QRSL1: variants seen among roughly 807,000 people sequenced by gnomAD.
QRSL1 encodes the protein glutamyl-tRNA(Gln) amidotransferase subunit A, mitochondrial.
Under a neutral mutation model 61.6 loss-of-function variants are expected in QRSL1, and 54 were observed. The observed-to-expected ratio is 0.88, with a 90% CI of 0.70 to 1.10. The LOEUF (loss-of-function observed/expected upper bound fraction) is 1.10. Among genes scored for constraint, QRSL1 ranks in the 50% least tolerant of loss-of-function variants. QRSL1 has a pLI of 0.00. For missense variants in QRSL1, 505 were observed against 622.6 expected (o/e 0.81, Z 2.01); for synonymous variants, 228 against 225.7 (o/e 1.01, Z -0.09).
intron 4 of QRSL1, among the ~76,000 whole-genome samples, chr6:106,648,421 A>G (rs1453058493): frequency 3.3e-5 from 5 of 152,238 alleles, no homozygotes; most frequent in African/African-American, 1.2e-4. Flanking sequence ...ATAAAGGGCT[A>G]TGATATACAT....
chr6:106,633,592 A>G (rs534433146), intron 1 of QRSL1, among the ~76,000 whole-genome samples: 11 of 152,256 alleles, frequency 7.2e-5, no homozygotes, highest in African/African-American at 2.6e-4. Context: ...TAAAATTCCC[A>G]TTTGTAAATT....
chr6:106,639,119 GTTTTTTT>G (rs1177849683), intron 1 of QRSL1, among the ~76,000 whole-genome samples: 3 of 122,812 alleles, frequency 2.4e-5, no homozygotes, highest in South Asian at 2.6e-4. Flanking sequence ...GTGTTTTGTT[GTTTTTTT>G]TTTTTTTTTT....
chr6:106,667,288 C>T lies in QRSL1; in HGVS notation c.*1286C>T, dbSNP rs1777452258. On this transcript the variant is annotated 3_prime_UTR_variant, in exon 11 of 11. Transcript: ENST00000369046. ...TCTCATGGTTTCCTTTTCCTCTTGA[C>T]TGTCTTTACGAGTGTTTTTTATTTG... The T allele has an allele frequency of 6.6e-6, 1 of 152,198 alleles. No homozygotes were observed. Among genetic ancestry groups the T allele is most frequent in the Non-Finnish European group, 1.5e-5 (1 of 68,034 alleles). The allele number at this position is 152,198 out of a possible 1,614,324, so 9.4% of individuals were successfully genotyped here.
intron 5 of QRSL1, among the ~76,000 whole-genome samples, chr6:106,650,207 CTTTTTAGTAGA>C (rs1161514564): frequency 6.6e-6 from 1 of 152,096 alleles, no homozygotes; most frequent in African/African-American, 2.4e-5. Flanking sequence ...TCTGAATGTG[CTTTTTAGTAGA>C]TGGCATTTTG....
In QRSL1 at chr6:106,667,371, A is replaced by G. The variant is rs1221810938; in HGVS notation, c.*1369A>G. 6.6e-6 allele frequency: 1 copy of G among 152,202 alleles called. No homozygotes were observed. Among genetic ancestry groups the G allele is most frequent in the African/African-American group, 2.4e-5 (1 of 41,442 alleles). The allele number at this position is 152,202 out of a possible 1,614,324, so 9.4% of individuals were successfully genotyped here. A position where few individuals can be genotyped will look rare whatever the true frequency, so the allele number is the denominator to read the frequency against. On this transcript the variant is annotated 3_prime_UTR_variant, in exon 11 of 11. Transcript: ENST00000369046. ...CTGTATTCAATATTTGACAAAATCT[A>G]ATGGAAACCATCCATTTACTCATGA...
In QRSL1 at chr6:106,648,966, T is replaced by G. The variant is rs111558816; in HGVS notation, c.381-59T>G. On this transcript the variant is annotated intron_variant, in intron 4 of 10. Coordinates refer to ENST00000369046, the MANE Select transcript of QRSL1 (RefSeq NM_018292.5). Reference sequence around the variant, plus strand: ...AGAAGCAAATAATATACTCAGAAGATGAAATTTTCACATAAAATGAAAGTT... The same window carrying G: ...AGAAGCAAATAATATACTCAGAAGAGGAAATTTTCACATAAAATGAAAGTT... 8.5e-6 allele frequency: 13 copies of G among 1,526,638 alleles called. No homozygotes were observed. The African/African-American group carries it at 1.4e-4, about 16-fold the overall frequency. The allele number at this position is 1,526,638 out of a possible 1,614,324, so 94.6% of individuals were successfully genotyped here. A position where few individuals can be genotyped will look rare whatever the true frequency, so the allele number is the denominator to read the frequency against.
chr6:106,643,182 G>C, intron 4 of QRSL1, 92 bp downstream of exon 4: 1 of 828,730 alleles, frequency 1.2e-6, no homozygotes, highest in South Asian at 1.7e-5. Flanking sequence ...AGGATCTAAT[G>C]CCAGTTTCTT....
At position 106,629,700 on chromosome 6, in the gene QRSL1, C is replaced by G. The variant is rs1349010500; in HGVS notation, c.19C>G (p.Arg7Gly). Residue 7 changes from arginine to glycine, a missense_variant, in exon 1 of 11, where the codon CGA becomes GGA. Arg to Gly is a moderately radical substitution (Grantham distance 125). Coordinates refer to ENST00000369046, the MANE Select transcript of QRSL1 (RefSeq NM_018292.5). MLGRSL[R>G]EVSAALKQGQ... The stretch of plus-strand genomic sequence containing the variant: ...GAGGACCATGCTGGGCCGGAGCCTC[C>G]GAGAAGTGAGTGGAATTGGCCCGCT... 1 of 1,606,354 alleles carries G rather than the reference C, an allele frequency of 6.2e-7. No individual in the cohort carries two copies. Among genetic ancestry groups the G allele is most frequent in the Non-Finnish European group, 8.5e-7 (1 of 1,177,058 alleles).
chr6:106,648,024 G>A (rs1219020943), intron 4 of QRSL1, among the ~76,000 whole-genome samples: 1 of 151,518 alleles, frequency 6.6e-6, no homozygotes, highest in Admixed American at 6.6e-5. Flanking sequence ...TAGGCCGGGC[G>A]TGGTGGCTCA....
chr6:106,644,817 C>A (rs1777083328), intron 4 of QRSL1, among the ~76,000 whole-genome samples: 1 of 152,160 alleles, frequency 6.6e-6, no homozygotes, highest in Non-Finnish European at 1.5e-5. Flanking sequence ...TCGTGCCTGG[C>A]CAAGAAATCT....
At position 106,629,828 on chromosome 6, in the gene QRSL1, G is replaced by A. The variant is rs1236543783; in HGVS notation, c.24+123G>A. 13 of 1,203,790 alleles carry A rather than the reference G, an allele frequency of 1.1e-5. No homozygotes were observed. The African/African-American group carries it at 1.8e-4, about 17-fold the overall frequency. 74.6% of individuals were successfully genotyped at this position (1,203,790 alleles called of 1,614,324 possible). On this transcript the variant is annotated intron_variant, in intron 1 of 10. Transcript: ENST00000369046. ...ACCTCGCTGCTTCCTCTAGAACTGA[G>A]TGGGGGATAAGTACCTTTCGATTCT...
At chr6:106,647,649 CT>C (rs35122457) in intron 4 of QRSL1, among the ~76,000 whole-genome samples, 9 of 84,240 alleles carry the variant, frequency 1.1e-4, no homozygotes, top group South Asian at 5.1e-4. Context: ...CCATAAAGTA[CT>C]TTTTTTTTTT....
At chr6:106,663,252 T>A in intron 10 of QRSL1, 67 bp downstream of exon 10, 2 of 1,484,820 alleles carry the variant, frequency 1.3e-6, no homozygotes, top group Non-Finnish European at 1.9e-6. Context: ...GTCTTCAACT[T>A]AAGATTCTAG....
intron 4 of QRSL1, 117 bp from the exon 5 acceptor site, chr6:106,648,908 C>T (rs1777153435): frequency 4.9e-6 from 5 of 1,012,348 alleles, no homozygotes; most frequent in Non-Finnish European, 6.9e-6. Context: ...TCAATTCAAG[C>T]TACAGTGGGT....
At chr6:106,647,940 G>T (rs529094151) in intron 4 of QRSL1, among the ~76,000 whole-genome samples, 1 of 151,126 alleles carries the variant, frequency 6.6e-6, no homozygotes, top group African/African-American at 2.4e-5. Flanking sequence ...GTGAGCCACT[G>T]CACCCAGCCA....
chr6:106,636,032 G>C (rs946948295), intron 1 of QRSL1, among the ~76,000 whole-genome samples: 3 of 152,122 alleles, frequency 2.0e-5, no homozygotes, highest in Middle Eastern at 3.2e-3. Flanking sequence ...AATCTGAAAT[G>C]CTCCAAAATC....
chr6:106,638,057 A>C (rs960330009), intron 1 of QRSL1, among the ~76,000 whole-genome samples: 1 of 152,210 alleles, frequency 6.6e-6, no homozygotes, highest in Non-Finnish European at 1.5e-5. Context: ...TGTAGGCATT[A>C]GGGGACTTGA....
chr6:106,642,416 C>T (rs575918538), intron 3 of QRSL1: 5 of 539,624 alleles, frequency 9.3e-6, no homozygotes, highest in Non-Finnish European at 1.7e-5. Context: ...AAAAAGGTAA[C>T]TGGCCTTTTG....
chr6:106,659,587 T>G (rs1777324532), intron 9 of QRSL1, among the ~76,000 whole-genome samples: 2 of 152,264 alleles, frequency 1.3e-5, no homozygotes, highest in South Asian at 2.1e-4. Flanking sequence ...GTCATATTTT[T>G]TGCTGCTTTT....
Sources: allele counts gnomAD v4.1 joint callset (sites outside exome capture counted in the v4.1 genomes callset), GRCh38; gene constraint gnomAD v4.1.1; transcripts MANE v1.5; gene names NCBI Gene and HGNC (gene_info 2026-07-23, HGNC 2026-07-21).